The following SCMH1 variants were observed in gnomAD, a reference collection of about 807,000 sequenced individuals.
The protein encoded by SCMH1 is polycomb protein SCMH1.
In SCMH1, 37 loss-of-function variants were observed where a neutral mutation model predicts 70.8. That is an observed-to-expected ratio of 0.52 (90% CI 0.40 to 0.69). The LOEUF is 0.69. Among genes scored for constraint, SCMH1 ranks in the 30% least tolerant of loss-of-function variants. The pLI is 0.00. For missense variants in SCMH1, 607 were observed against 827.3 expected (o/e 0.73, Z 3.27); for synonymous variants, 292 against 307.4 (o/e 0.95, Z 0.52).
intron 1 of SCMH1, among the ~76,000 whole-genome samples, chr1:41,188,076 A>G (rs148416140): frequency 2.0e-5 from 3 of 152,204 alleles, no homozygotes; most frequent in African/African-American, 7.2e-5. Context: ...ATTCCAAAAG[A>G]TAGTAATGGC....
chr1:41,130,933 T>C lies in SCMH1; in HGVS notation c.412+11945A>G, dbSNP rs141243795. Among the ~76,000 whole-genome samples, 835 of 152,300 alleles carry C rather than the reference T, an allele frequency of 5.5e-3. 7 individuals are homozygous for C. The highest frequency in any genetic ancestry group is 0.019 in the African/African-American group (795 of 41,572). ...TTTAGTTTTGATGAAGTTCAAGTTA[T>C]CTATTTTTTCTTTTGTTTTTTTGTG... On this transcript the variant is annotated intron_variant, in intron 6 of 14. Coordinates refer to ENST00000337495, the Ensembl canonical transcript of SCMH1.
At chr1:41,094,218 G>C (rs1007674128) in intron 8 of SCMH1, among the ~76,000 whole-genome samples, 2 of 152,148 alleles carry the variant, frequency 1.3e-5, no homozygotes, top group African/African-American at 4.8e-5. Context: ...AAGTGAACTT[G>C]GCTTATGCCC....
At chr1:41,082,358 G>A (rs1244026504) in intron 8 of SCMH1, among the ~76,000 whole-genome samples, 1 of 152,200 alleles carries the variant, frequency 6.6e-6, no homozygotes, top group Non-Finnish European at 1.5e-5. Context: ...CAGACTAACA[G>A]CGGATCTCTC....
At chr1:41,198,984 G>A (rs1471334660) in intron 1 of SCMH1, among the ~76,000 whole-genome samples, 4 of 152,104 alleles carry the variant, frequency 2.6e-5, no homozygotes, top group East Asian at 1.9e-4. Context: ...TATTAAACAC[G>A]CCAAGGTATA....
At chr1:41,121,573 G>A (rs750560429) in intron 6 of SCMH1, among the ~76,000 whole-genome samples, 1 of 152,092 alleles carries the variant, frequency 6.6e-6, no homozygotes, top group African/African-American at 2.4e-5. Flanking sequence ...TCTAAATGTA[G>A]AGCACCTCAG....
intron 12 of SCMH1, 99 bp downstream of exon 12, chr1:41,046,308 T>TGCCA (rs1646887861): frequency 1.5e-5 from 15 of 981,666 alleles, no homozygotes; most frequent in Middle Eastern, 3.1e-4. Context: ...AGATAGTAGG[T>TGCCA]GCCAGGCCAG....
At chr1:41,089,757 C>T (rs1172115044) in intron 8 of SCMH1, among the ~76,000 whole-genome samples, 2 of 147,502 alleles carry the variant, frequency 1.4e-5, no homozygotes, top group East Asian at 4.0e-4. Context: ...ACCACTCTCC[C>T]TTGATTATTC....
intron 8 of SCMH1, among the ~76,000 whole-genome samples, chr1:41,111,363 A>C (rs910643956): frequency 1.3e-5 from 2 of 152,194 alleles, no homozygotes; most frequent in Non-Finnish European, 2.9e-5. Context: ...TGTTTGAGAC[A>C]GAGTCTCGCT....
chr1:41,111,902 T>G (rs1227210565), intron 8 of SCMH1, among the ~76,000 whole-genome samples: 1 of 152,222 alleles, frequency 6.6e-6, no homozygotes, highest in Non-Finnish European at 1.5e-5. Context: ...GAATGATAAA[T>G]ATGTTCATTA....
At chr1:41,034,571 C>T (rs545936826) in intron 13 of SCMH1, among the ~76,000 whole-genome samples, 1 of 152,238 alleles carries the variant, frequency 6.6e-6, no homozygotes, top group South Asian at 2.1e-4. Flanking sequence ...TCGTGATCCA[C>T]CCTCCTCGGC....
chr1:41,238,402 A>T (rs1400033159), intron 1 of SCMH1, among the ~76,000 whole-genome samples: 3 of 152,190 alleles, frequency 2.0e-5, no homozygotes, highest in Non-Finnish European at 4.4e-5. Flanking sequence ...TAGAGATCAG[A>T]ACTCTGCTTC....
chr1:41,147,935 G>A (rs1438131580), intron 5 of SCMH1, among the ~76,000 whole-genome samples: 4 of 152,110 alleles, frequency 2.6e-5, no homozygotes, highest in Non-Finnish European at 5.9e-5. Context: ...GTAAGTTTTT[G>A]AAGGCAGTAT....
At chr1:41,233,519 T>A (rs940518597) in intron 1 of SCMH1, among the ~76,000 whole-genome samples, 1 of 152,208 alleles carries the variant, frequency 6.6e-6, no homozygotes, top group Non-Finnish European at 1.5e-5. Context: ...ATGGAGATGA[T>A]CTATTTTTAA....
At chr1:41,179,188 G>A (rs949164915) in intron 2 of SCMH1, among the ~76,000 whole-genome samples, 10 of 152,046 alleles carry the variant, frequency 6.6e-5, no homozygotes, top group African/African-American at 2.4e-4. Flanking sequence ...TGAAACCAAC[G>A]AGAACAAAGA....
chr1:41,028,694 AGGCATCGC>A lies in SCMH1; in HGVS notation c.1703_1710del (p.Arg568LeufsTer24). 6.2e-7 allele frequency: 1 copy of A among 1,614,048 alleles called. No individual in the cohort carries two copies. The highest frequency in any genetic ancestry group is 8.5e-7 in the Non-Finnish European group (1 of 1,180,006). ...GAGGGGTCCCGGCCACTCAGTCGAGAGGCATCGCGGCTCTCCAGGTATCGGTCCGACCC... is the reference window on the plus strand; with the variant it reads ...GAGGGGTCCCGGCCACTCAGTCGAGAGGCTCTCCAGGTATCGGTCCGACCC... On this transcript the variant is annotated frameshift_variant, in exon 14 of 15. Transcript: ENST00000337495. LOFTEE classifies it high-confidence loss of function.
At chr1:41,047,693 C>T (rs1274784194) in intron 11 of SCMH1, among the ~76,000 whole-genome samples, 1 of 152,084 alleles carries the variant, frequency 6.6e-6, no homozygotes, top group Non-Finnish European at 1.5e-5. Flanking sequence ...TGAGCCACCG[C>T]ACCTGGCCAA....
At chr1:41,241,772 G>A (rs1663615247) in intron 1 of SCMH1, among the ~76,000 whole-genome samples, 2 of 151,832 alleles carry the variant, frequency 1.3e-5, no homozygotes, top group Admixed American at 1.3e-4. Flanking sequence ...CGGGGCCCCC[G>A]GGCAGTCCTG....
intron 10 of SCMH1, among the ~76,000 whole-genome samples, chr1:41,057,135 G>A (rs1650624547): frequency 6.6e-6 from 1 of 152,198 alleles, no homozygotes; most frequent in Non-Finnish European, 1.5e-5. Context: ...AGAAGCACTT[G>A]TTAAGTTCAC....
At chr1:41,075,447 C>T (rs1657988743) in exon 9 of SCMH1, 1 of 1,613,336 alleles carries the variant, frequency 6.2e-7, no homozygotes, top group Non-Finnish European at 8.5e-7. Flanking sequence ...TCTTTGGAAT[C>T]ACAACTGCAA....
Sources: gnomAD v4.1 joint callset for allele counts (sites outside exome capture counted in the v4.1 genomes callset) on GRCh38, gnomAD v4.1.1 for gene constraint, MANE v1.5 for transcripts, NCBI Gene and HGNC (gene_info 2026-07-23, HGNC 2026-07-21) for gene names.